Variants in TM4SF4 observed in about 807,000 individuals in gnomAD.
The protein encoded by TM4SF4 is transmembrane 4 L6 family member 4.
A neutral mutation model predicts 24.1 loss-of-function variants in TM4SF4; 24 were observed. The ratio of observed to expected loss-of-function variants is 1.00; its 90% CI spans 0.72 to 1.40. The LOEUF (loss-of-function observed/expected upper bound fraction) is 1.40, where lower values mean the gene tolerates loss of function less well. Ranked by LOEUF, TM4SF4 falls within the 40% of genes most tolerant of loss-of-function variation. TM4SF4 has a pLI of 0.00. For missense variants in TM4SF4, 254 were observed against 254.2 expected, an observed-to-expected ratio of 1.00 and a Z score of 0.01; for synonymous variants, 113 against 97.0, an observed-to-expected ratio of 1.17 and a Z score of -0.97.
At chr3:149,491,596 T>C (rs1054676032) in intron 3 of TM4SF4, among the ~76,000 whole-genome samples, 6 of 152,150 alleles carry the variant, frequency 3.9e-5, no homozygotes, top group Non-Finnish European at 7.3e-5. Context: ...CACATATATA[T>C]ATGTAGTCAG....
intron 4 of TM4SF4, among the ~76,000 whole-genome samples, chr3:149,499,413 A>G (rs1734375439): frequency 6.6e-6 from 1 of 152,180 alleles, no homozygotes; most frequent in East Asian, 1.9e-4. Context: ...GGAAGAAAAA[A>G]GGGAAATCAC....
chr3:149,496,869 T>TAA (rs35385088), intron 3 of TM4SF4, among the ~76,000 whole-genome samples: 104 of 142,544 alleles, frequency 7.3e-4, no homozygotes, highest in Middle Eastern at 7.2e-3. Flanking sequence ...TTATATAGAT[T>TAA]AAAAAAAAAA....
chr3:149,480,073 G>T (rs6440616), intron 2 of TM4SF4, among the ~76,000 whole-genome samples: 7,054 of 152,156 alleles, frequency 0.046, 276 homozygotes, highest in East Asian at 0.18. Context: ...AAAGGCCTGC[G>T]CTCTTTCAAA....
chr3:149,494,235 G>C (rs1734269993), intron 3 of TM4SF4, among the ~76,000 whole-genome samples: 1 of 152,192 alleles, frequency 6.6e-6, no homozygotes, highest in African/African-American at 2.4e-5. Context: ...GAGAAGAAGG[G>C]CCTGAGTGTG....
chr3:149,491,097 C>T (rs1414347186), intron 3 of TM4SF4, among the ~76,000 whole-genome samples: 1 of 151,898 alleles, frequency 6.6e-6, no homozygotes, highest in Non-Finnish European at 1.5e-5. Flanking sequence ...AAAAATGAAG[C>T]TCAAGAAGGT....
intron 3 of TM4SF4, among the ~76,000 whole-genome samples, chr3:149,488,278 T>C (rs1734154605): frequency 6.6e-6 from 1 of 152,214 alleles, no homozygotes; most frequent in African/African-American, 2.4e-5. Context: ...TAAAATAACA[T>C]TTCATGTTTT....
chr3:149,484,443 G>A (rs1181562338), intron 2 of TM4SF4, among the ~76,000 whole-genome samples: 1 of 152,084 alleles, frequency 6.6e-6, no homozygotes, highest in Non-Finnish European at 1.5e-5. Flanking sequence ...GAGTGTAGTG[G>A]TGCCATCTTG....
intron 3 of TM4SF4, among the ~76,000 whole-genome samples, chr3:149,492,330 A>G (rs569091946): frequency 4.2e-4 from 64 of 152,230 alleles, no homozygotes; most frequent in African/African-American, 1.3e-3. Context: ...TTTTTTGGTG[A>G]TAATATTAAG....
At position 149,475,848 on chromosome 3, in the gene TM4SF4, T is replaced by G. The variant is rs745828171; in HGVS notation, c.200T>G (p.Leu67Trp). ...VLMIFPALVF[L>W]GLKNNDCCGC... The stretch of plus-strand genomic sequence containing the variant: ...ATGATCTTCCCTGCGCTGGTGTTCT[T>G]GGGCCTGAAGAACAATGACTGCTGT... The change falls in exon 2 of 5, where the codon TTG becomes TGG. Residue 67 changes from leucine to tryptophan, a missense_variant. Coordinates refer to ENST00000305354, the MANE Select transcript of TM4SF4 (RefSeq NM_004617.4). 1.9e-6 allele frequency: 3 copies of G among 1,612,812 alleles called. No individual in the cohort carries two copies. In the East Asian group the frequency reaches 6.7e-5, roughly 36 times the overall value.
Position 149,474,741 on chromosome 3 carries a change from AT to A in TM4SF4, c.-134del, listed in dbSNP as rs1353402899. 1.2e-6 allele frequency: 1 copy of A among 839,600 alleles called. No individual in the cohort carries two copies. The highest frequency in any genetic ancestry group is 3.4e-5 in the Admixed American group (1 of 29,358). 52.0% of individuals were successfully genotyped at this position (839,600 alleles called of 1,614,324 possible). A position where few individuals can be genotyped will look rare whatever the true frequency, so the allele number is the denominator to read the frequency against. On this transcript the variant is annotated 5_prime_UTR_variant, in exon 1 of 5. Coordinates refer to ENST00000305354, the MANE Select transcript of TM4SF4 (RefSeq NM_004617.4). ...AACTCCAAGGACACAGTTCACAGAA[AT>A]TTGGTTCTCAGCCCCAAAATACTGA...
chr3:149,477,599 T>G (rs1466342372), intron 2 of TM4SF4, among the ~76,000 whole-genome samples: 1 of 152,228 alleles, frequency 6.6e-6, no homozygotes, highest in African/African-American at 2.4e-5. Flanking sequence ...CATTACAGTT[T>G]CCATGTGAGT....
chr3:149,485,687 A>T (rs1734103595), intron 2 of TM4SF4, among the ~76,000 whole-genome samples: 1 of 152,174 alleles, frequency 6.6e-6, no homozygotes, highest in Non-Finnish European at 1.5e-5. Context: ...CTAGCTCCTT[A>T]GGAGACTGAG....
At chr3:149,498,982 C>T in intron 4 of TM4SF4, 71 bp downstream of exon 4, 1 of 1,498,650 alleles carries the variant, frequency 6.7e-7, no homozygotes, top group Non-Finnish European at 9.2e-7. Flanking sequence ...ATAAGGGAGG[C>T]CAGGTCAGGC....
At chr3:149,500,941 G>C (rs1734408431) in intron 4 of TM4SF4, among the ~76,000 whole-genome samples, 1 of 149,846 alleles carries the variant, frequency 6.7e-6, no homozygotes, top group African/African-American at 2.5e-5. Context: ...GGGAGCATCA[G>C]CTGAGCCCAC....
intron 2 of TM4SF4, among the ~76,000 whole-genome samples, chr3:149,487,123 C>T (rs948161099): frequency 5.9e-5 from 9 of 152,044 alleles, no homozygotes; most frequent in East Asian, 1.9e-4. Context: ...GGCATGGTGG[C>T]GCACGCCTGT....
intron 3 of TM4SF4, among the ~76,000 whole-genome samples, chr3:149,489,946 C>T (rs1482543232): frequency 6.6e-6 from 1 of 152,034 alleles, no homozygotes; most frequent in African/African-American, 2.4e-5. Context: ...GATTTGAACA[C>T]CGAGACATCT....
chr3:149,479,336 A>G (rs763826265), intron 2 of TM4SF4, among the ~76,000 whole-genome samples: 1 of 151,252 alleles, frequency 6.6e-6, no homozygotes, highest in Non-Finnish European at 1.5e-5. Context: ...TGGAGCATCA[A>G]ACAATAATCA....
chr3:149,486,546 C>T lies in TM4SF4; in HGVS notation c.265-1073C>T, dbSNP rs532504658. On this transcript the variant is annotated intron_variant, in intron 2 of 4. Transcript: ENST00000305354. ...CATCCTGGGCCTACATTTTTTCATCCGTAAGAGGGAGTTAACCTAGCTGGG... is the reference window on the plus strand; with the variant it reads ...CATCCTGGGCCTACATTTTTTCATCTGTAAGAGGGAGTTAACCTAGCTGGG... 1.1e-4 allele frequency among the ~76,000 whole-genome samples: 16 copies of T among 152,228 alleles called. No individual in the cohort carries two copies. In the South Asian group the frequency reaches 3.3e-3, roughly 32 times the overall value.
intron 2 of TM4SF4, among the ~76,000 whole-genome samples, chr3:149,486,287 T>C (rs1576519277): frequency 6.6e-6 from 1 of 152,196 alleles, no homozygotes; most frequent in South Asian, 2.1e-4. Flanking sequence ...TCATGCCCAT[T>C]TTAAGATGAT....
Sources: allele counts gnomAD v4.1 joint callset (sites outside exome capture counted in the v4.1 genomes callset), GRCh38; gene constraint gnomAD v4.1.1; transcripts MANE v1.5; gene names NCBI Gene and HGNC (gene_info 2026-07-23, HGNC 2026-07-21).